PPP2R2B: variants seen among roughly 807,000 people sequenced by gnomAD.
PPP2R2B encodes protein phosphatase 2 regulatory subunit Bbeta, also known as serine/threonine-protein phosphatase 2A 55 kDa regulatory subunit B beta isoform.
PPP2R2B carries 5 observed loss-of-function variants against 46.0 expected under a neutral mutation model. That is an observed-to-expected ratio of 0.11 (90% CI 0.06 to 0.23). The LOEUF is 0.23. PPP2R2B is among the 10% of genes least tolerant of loss of function. PPP2R2B has a pLI of 1.00. For missense variants in PPP2R2B, 367 were observed against 575.0 expected, an observed-to-expected ratio of 0.64 and a Z score of 3.70; for synonymous variants, 215 against 206.7, an observed-to-expected ratio of 1.04 and a Z score of -0.34.
chr5:147,005,825 A>T (rs941864589), intron 1 of PPP2R2B, among the ~76,000 whole-genome samples: 1 of 152,144 alleles, frequency 6.6e-6, no homozygotes, highest in African/African-American at 2.4e-5. Context: ...AACAGAGAGA[A>T]AGAGAAATAG....
intron 5 of PPP2R2B, among the ~76,000 whole-genome samples, chr5:146,676,876 T>C (rs1415929391): frequency 6.6e-6 from 1 of 152,192 alleles, no homozygotes; most frequent in African/African-American, 2.4e-5. Flanking sequence ...CTTAATTGGT[T>C]TGACCGTCAA....
At chr5:146,698,384 G>A (rs1164160970) in intron 3 of PPP2R2B, among the ~76,000 whole-genome samples, 1 of 126,536 alleles carries the variant, frequency 7.9e-6, no homozygotes, top group African/African-American at 3.0e-5. Context: ...ATGAACTTCT[G>A]TACTATCATA....
chr5:146,862,735 ATCTTC>A, intron 2 of PPP2R2B, among the ~76,000 whole-genome samples: 1 of 150,358 alleles, frequency 6.7e-6, no homozygotes, highest in South Asian at 2.1e-4. Context: ...GAACAGACTA[ATCTTC>A]TTAAAGGGTC....
chr5:147,051,194 C>G (rs2151902626), intron 1 of PPP2R2B, among the ~76,000 whole-genome samples: 1 of 152,280 alleles, frequency 6.6e-6, no homozygotes, highest in Admixed American at 6.5e-5. Context: ...ATTAAGAGTA[C>G]CAATTTCGGA....
chr5:146,774,569 C>T (rs140955575), intron 2 of PPP2R2B, among the ~76,000 whole-genome samples: 81 of 152,142 alleles, frequency 5.3e-4, no homozygotes, highest in African/African-American at 1.9e-3. Context: ...ATAATCCCAG[C>T]ACTTTGGGAG....
intron 2 of PPP2R2B, among the ~76,000 whole-genome samples, chr5:146,826,268 CT>C (rs1440662075): frequency 6.6e-6 from 1 of 152,130 alleles, no homozygotes; most frequent in East Asian, 1.9e-4. Context: ...TCGGATTATT[CT>C]GAATTCAAAT....
chr5:146,939,983 A>C (rs753814651), intron 1 of PPP2R2B, among the ~76,000 whole-genome samples: 1 of 152,128 alleles, frequency 6.6e-6, no homozygotes, highest in Non-Finnish European at 1.5e-5. Context: ...TAATCTTTGA[A>C]TATTTACATA....
At chr5:147,053,608 C>T (rs1226240361) in intron 1 of PPP2R2B, among the ~76,000 whole-genome samples, 1 of 151,016 alleles carries the variant, frequency 6.6e-6, no homozygotes, top group Non-Finnish European at 1.5e-5. Flanking sequence ...TTTCCCCAGA[C>T]AAACTTTAAG....
At chr5:146,740,928 T>G (rs1752836023) in intron 2 of PPP2R2B, among the ~76,000 whole-genome samples, 1 of 151,768 alleles carries the variant, frequency 6.6e-6, no homozygotes. Context: ...TCCCAGCTAC[T>G]CAGGAGACTG....
chr5:146,834,050 A>G (rs1759125064), intron 2 of PPP2R2B, among the ~76,000 whole-genome samples: 1 of 152,154 alleles, frequency 6.6e-6, no homozygotes, highest in South Asian at 2.1e-4. Flanking sequence ...ACATTAAACT[A>G]TGGATTGTCT....
chr5:146,834,693 G>C (rs375964369), intron 2 of PPP2R2B, among the ~76,000 whole-genome samples: 26 of 152,160 alleles, frequency 1.7e-4, no homozygotes, highest in African/African-American at 6.3e-4. Flanking sequence ...TGTTACATGA[G>C]TAAATTGTGT....
At chr5:146,818,615 T>C (rs1291687747) in intron 2 of PPP2R2B, among the ~76,000 whole-genome samples, 1 of 152,196 alleles carries the variant, frequency 6.6e-6, no homozygotes, top group East Asian at 1.9e-4. Flanking sequence ...CCCTTGCATC[T>C]TAAGTTATGT....
chr5:146,762,134 G>C (rs1561886284), intron 2 of PPP2R2B, among the ~76,000 whole-genome samples: 1 of 152,138 alleles, frequency 6.6e-6, no homozygotes, highest in African/African-American at 2.4e-5. Context: ...ACATGCTCTT[G>C]GGACTGGTAG....
chr5:146,828,946 A>G (rs1758748789), intron 2 of PPP2R2B, among the ~76,000 whole-genome samples: 1 of 152,224 alleles, frequency 6.6e-6, no homozygotes, highest in Non-Finnish European at 1.5e-5. Context: ...TCAAGGAAAA[A>G]TAAACTTTGA....
intron 2 of PPP2R2B, among the ~76,000 whole-genome samples, chr5:146,758,398 C>T (rs1451281803): frequency 1.3e-5 from 2 of 152,100 alleles, no homozygotes; most frequent in African/African-American, 4.8e-5. Flanking sequence ...CCAACATTAC[C>T]TCAAAGGCTT....
intron 1 of PPP2R2B, among the ~76,000 whole-genome samples, chr5:147,046,888 A>G (rs1243064076): frequency 6.6e-6 from 1 of 152,120 alleles, no homozygotes; most frequent in Non-Finnish European, 1.5e-5. Context: ...TATGGATTAT[A>G]CTAGAAACTC....
intron 2 of PPP2R2B, among the ~76,000 whole-genome samples, chr5:146,873,201 A>T (rs948077691): frequency 2.6e-5 from 4 of 152,170 alleles, no homozygotes; most frequent in Non-Finnish European, 5.9e-5. Flanking sequence ...TCTGCACCCA[A>T]TCATAGTAAG....
chr5:146,827,539 C>T (rs1758657731), intron 2 of PPP2R2B, among the ~76,000 whole-genome samples: 1 of 152,182 alleles, frequency 6.6e-6, no homozygotes, highest in Admixed American at 6.5e-5. Context: ...GCTGCCTTAA[C>T]TCCATTTATT....
In PPP2R2B at chr5:146,635,073, T is replaced by C. The variant is rs185580925; in HGVS notation, c.790+3178A>G. Among the ~76,000 whole-genome samples the C allele has an allele frequency of 2.0e-5, 3 of 152,280 alleles. No homozygotes were observed. The East Asian group carries it at 5.8e-4, about 30-fold the overall frequency. On this transcript the variant is annotated intron_variant, in intron 7 of 9. Coordinates refer to ENST00000394411, the MANE Select transcript of PPP2R2B (RefSeq NM_181675.4). The stretch of plus-strand genomic sequence containing the variant: ...CGTCATTTATTGACTCCTTTGTGCC[T>C]GGCAGAGGGCTAGGATCTCACACAC...
Sources: gnomAD v4.1 joint callset for allele counts (sites outside exome capture counted in the v4.1 genomes callset) on GRCh38, gnomAD v4.1.1 for gene constraint, MANE v1.5 for transcripts, NCBI Gene and HGNC (gene_info 2026-07-23, HGNC 2026-07-21) for gene names.